The following CCDC171 variants were observed in gnomAD, a reference collection of about 807,000 sequenced individuals.
CCDC171 encodes coiled-coil domain-containing protein 171.
Under a neutral mutation model 168.2 loss-of-function variants are expected in CCDC171, and 177 were observed. That is an observed-to-expected ratio of 1.05 (90% confidence interval 0.93 to 1.19). CCDC171 has a LOEUF of 1.19. Ranked by LOEUF, CCDC171 falls within the 50% of genes most tolerant of loss-of-function variation. The pLI is 0.00. For missense variants in CCDC171, 1,991 were observed against 1,539.0 expected (o/e 1.29, Z -4.91); for synonymous variants, 687 against 540.8 (o/e 1.27, Z -3.75).
chr9:15,571,316 A>G (rs967872216), intron 2 of CCDC171, among the ~76,000 whole-genome samples: 1 of 152,198 alleles, frequency 6.6e-6, no homozygotes, highest in Non-Finnish European at 1.5e-5. Flanking sequence ...AAAGTGGGAG[A>G]ACCCAGTCTC....
intron 23 of CCDC171, among the ~76,000 whole-genome samples, chr9:15,859,255 T>C (rs1301681496): frequency 6.6e-6 from 1 of 152,074 alleles, no homozygotes; most frequent in Non-Finnish European, 1.5e-5. Context: ...TAATGGCGCC[T>C]AATCCTTTAA....
intron 3 of CCDC171, among the ~76,000 whole-genome samples, chr9:16,015,715 A>G (rs3008715): frequency 0.57 from 85,937 of 152,018 alleles, 24,528 homozygotes; most frequent in East Asian, 0.66. Flanking sequence ...TGTAACCACT[A>G]TCCATGTCTA....
intron 16 of CCDC171, among the ~76,000 whole-genome samples, chr9:15,741,128 A>G (rs953717360): frequency 2.0e-5 from 3 of 152,068 alleles, no homozygotes; most frequent in Non-Finnish European, 2.9e-5. Flanking sequence ...AATTGTGGTA[A>G]AATATGCATG....
At chr9:15,917,581 T>C (rs1052223108) in intron 24 of CCDC171, among the ~76,000 whole-genome samples, 1 of 151,782 alleles carries the variant, frequency 6.6e-6, no homozygotes, top group Admixed American at 6.6e-5. Flanking sequence ...ATCCACTATA[T>C]AAAATTTCTG....
intron 25 of CCDC171, among the ~76,000 whole-genome samples, chr9:15,932,157 G>C (rs1309187375): frequency 6.6e-6 from 1 of 151,794 alleles, no homozygotes; most frequent in Non-Finnish European, 1.5e-5. Context: ...AATGTCATTG[G>C]TCTTTTGATA....
At chr9:15,577,840 G>A (rs895725187) in intron 3 of CCDC171, among the ~76,000 whole-genome samples, 2 of 152,182 alleles carry the variant, frequency 1.3e-5, no homozygotes, top group Admixed American at 6.5e-5. Flanking sequence ...AGGCAAGAGA[G>A]GGATAACTGC....
chr9:16,102,598 T>C, the CCDC171 span, among the ~76,000 whole-genome samples: 5 of 152,142 alleles, frequency 3.3e-5, no homozygotes, highest in Non-Finnish European at 5.9e-5. Context: ...GTGAAGATCA[T>C]GTAAATAAGC....
intron 7 of CCDC171, among the ~76,000 whole-genome samples, chr9:15,651,413 G>GTTT (rs1160499805): frequency 6.9e-6 from 1 of 144,738 alleles, no homozygotes; most frequent in Non-Finnish European, 1.5e-5. Flanking sequence ...CTGGCCTATA[G>GTTT]TTTTTTTTTT....
intron 6 of CCDC171, among the ~76,000 whole-genome samples, chr9:15,603,947 G>C (rs1160781863): frequency 6.6e-6 from 1 of 152,084 alleles, no homozygotes; most frequent in African/African-American, 2.4e-5. Context: ...TTGCCATTCT[G>C]ACTGGCCTGA....
At chr9:16,064,159 T>C (rs565303770), downstream of CCDC171, among the ~76,000 whole-genome samples, 343 of 152,346 alleles carry the variant, frequency 2.3e-3, 2 homozygotes, top group African/African-American at 8.1e-3. Flanking sequence ...AGACCCTGCA[T>C]GGAGGCAGCT....
intron 21 of CCDC171, among the ~76,000 whole-genome samples, chr9:15,824,042 T>C (rs937845486): frequency 6.6e-6 from 1 of 152,118 alleles, no homozygotes; most frequent in African/African-American, 2.4e-5. Context: ...ATATTCTGAA[T>C]TAATCAGGCT....
intron 25 of CCDC171, among the ~76,000 whole-genome samples, chr9:15,968,668 T>C (rs1477072641): frequency 6.6e-6 from 1 of 150,714 alleles, no homozygotes; most frequent in East Asian, 2.0e-4. Flanking sequence ...TGCCTCAGCC[T>C]CCTGAGTAGC....
intron 6 of CCDC171, among the ~76,000 whole-genome samples, chr9:15,597,382 T>G (rs1008778033): frequency 6.6e-6 from 1 of 152,176 alleles, no homozygotes; most frequent in African/African-American, 2.4e-5. Context: ...TCAAAGGCCT[T>G]TTCTGCATTT....
intron 4 of CCDC171, chr9:15,587,476 C>G (rs987519308): frequency 8.3e-6 from 3 of 359,934 alleles, no homozygotes; most frequent in Admixed American, 3.4e-5. Flanking sequence ...GTGAGGCTTC[C>G]CCAGCCATGT....
intron 21 of CCDC171, among the ~76,000 whole-genome samples, chr9:15,844,647 T>C (rs2060820398): frequency 6.6e-6 from 1 of 152,136 alleles, no homozygotes; most frequent in African/African-American, 2.4e-5. Context: ...CCACTTTTTG[T>C]TTCTTTTCTA....
rs149211044 is a variant in CCDC171 at position 15,727,918 on chromosome 9, G to T, written c.1742G>T (p.Cys581Phe). Residue 581 changes from cysteine (C) to phenylalanine (F), a missense_variant, in exon 15 of 26, where the codon TGT (cysteine) becomes TTT (phenylalanine). Physicochemically the swap from Cys to Phe is radical, Grantham distance 205. Transcript: ENST00000380701. ...HTLYQHLVAG[C>F]VLIKQPEGML... ...TTATATCAGCACTTGGTAGCAGGCT[G>T]TGTGCTCATAAAACAACCAGAAGGC... The T allele has an allele frequency of 6.9e-5, 111 of 1,613,080 alleles. No homozygotes were observed. The African/African-American group carries it at 1.3e-3, about 19-fold the overall frequency.
chr9:15,667,248 G>A (rs577696978), intron 9 of CCDC171, among the ~76,000 whole-genome samples: 1 of 152,110 alleles, frequency 6.6e-6, no homozygotes, highest in African/African-American at 2.4e-5. Context: ...TATGTGGCAT[G>A]ATAATACATT....
chr9:16,039,983 G>A (rs902133351), upstream of CCDC171, among the ~76,000 whole-genome samples: 7 of 152,094 alleles, frequency 4.6e-5, no homozygotes, highest in Non-Finnish European at 7.4e-5. Context: ...TCTAATCATC[G>A]CCTACTCATT....
chr9:15,641,604 A>C (rs1262972771), intron 7 of CCDC171, among the ~76,000 whole-genome samples: 9 of 152,144 alleles, frequency 5.9e-5, no homozygotes, highest in Non-Finnish European at 1.3e-4. Context: ...TTTATAATAA[A>C]GTAACATGTA....
Sources: allele counts gnomAD v4.1 joint callset (sites outside exome capture counted in the v4.1 genomes callset), GRCh38; gene constraint gnomAD v4.1.1; transcripts MANE v1.5; gene names NCBI Gene and HGNC (gene_info 2026-07-23, HGNC 2026-07-21).